Variants in LMBR1 observed in about 807,000 individuals in gnomAD.
The protein encoded by LMBR1 is limb development membrane protein 1.
Under a neutral mutation model 73.9 loss-of-function variants are expected in LMBR1, and 52 were observed. The observed-to-expected ratio is 0.70, with a 90% CI of 0.56 to 0.89. The LOEUF is 0.89. LMBR1 is among the 40% of genes least tolerant of loss of function. LMBR1 has a pLI of 0.00. For synonymous variants in LMBR1, 215 were observed against 209.4 expected (o/e 1.03, Z -0.23); for missense variants, 539 against 579.8 (o/e 0.93, Z 0.72).
Position 156,893,014 on chromosome 7 carries a change from G to C in LMBR1, c.-21C>G. The C allele has an allele frequency of 6.7e-7, 1 of 1,496,484 alleles. No individual in the cohort carries two copies. Among genetic ancestry groups the C allele is most frequent in the Non-Finnish European group, 8.9e-7 (1 of 1,129,260 alleles). 92.7% of individuals were successfully genotyped at this position (1,496,484 alleles called of 1,614,324 possible). ...TCCATCCTCCTTCATGCCCGCCGCC[G>C]CGCCGCCCGCGTCCGCGTGCTCCGC... On this transcript the variant is annotated 5_prime_UTR_variant, in exon 1 of 17. Coordinates refer to ENST00000353442, the MANE Select transcript of LMBR1 (RefSeq NM_022458.4).
chr7:156,813,573 C>T (rs577336835), intron 4 of LMBR1, among the ~76,000 whole-genome samples: 1 of 152,280 alleles, frequency 6.6e-6, no homozygotes, highest in East Asian at 1.9e-4. Flanking sequence ...TCTTCATTCT[C>T]TTGCCCCAAA....
intron 9 of LMBR1, among the ~76,000 whole-genome samples, chr7:156,741,741 A>G (rs939170844): frequency 3.9e-5 from 6 of 152,198 alleles, no homozygotes; most frequent in Non-Finnish European, 4.4e-5. Flanking sequence ...TAGATCTTCC[A>G]ATAACAGAAA....
intron 15 of LMBR1, among the ~76,000 whole-genome samples, chr7:156,694,440 T>C (rs557307039): frequency 3.4e-4 from 52 of 152,164 alleles, no homozygotes; most frequent in African/African-American, 1.1e-3. Flanking sequence ...GCCAAGACAA[T>C]AGATATTTTT....
chr7:156,710,989 A>G (rs947912235), intron 15 of LMBR1, among the ~76,000 whole-genome samples: 35 of 152,304 alleles, frequency 2.3e-4, no homozygotes, highest in African/African-American at 8.4e-4. Flanking sequence ...GAGGTGAAAG[A>G]TATCTTTAAG....
At chr7:156,729,231 C>A (rs1289655968) in intron 10 of LMBR1, among the ~76,000 whole-genome samples, 4 of 152,064 alleles carry the variant, frequency 2.6e-5, no homozygotes, top group African/African-American at 9.7e-5. Context: ...ACATCTCAAT[C>A]ATTAAGGAAA....
intron 5 of LMBR1, among the ~76,000 whole-genome samples, chr7:156,795,806 GCCT>G (rs772087461): frequency 3.3e-5 from 5 of 152,152 alleles, no homozygotes; most frequent in African/African-American, 7.2e-5. Flanking sequence ...TCCTGCCGCA[GCCT>G]CCCAAAGTGG....
At chr7:156,729,663 C>A (rs1816469676) in intron 10 of LMBR1, among the ~76,000 whole-genome samples, 2 of 151,966 alleles carry the variant, frequency 1.3e-5, no homozygotes, top group African/African-American at 4.8e-5. Context: ...TTAGTAGAGA[C>A]AGGGTTTCAC....
chr7:156,715,918 G>T (rs1813106905), intron 15 of LMBR1, among the ~76,000 whole-genome samples: 1 of 152,100 alleles, frequency 6.6e-6, no homozygotes, highest in Non-Finnish European at 1.5e-5. Context: ...GGTCAGAAAA[G>T]CTTAGAATAT....
chr7:156,816,440 T>C (rs6969186), intron 4 of LMBR1, among the ~76,000 whole-genome samples: 71,048 of 151,912 alleles, frequency 0.47, 16,851 homozygotes, highest in East Asian at 0.61. Context: ...AAACAAGGAG[T>C]AATGTCTGTT....
intron 15 of LMBR1, among the ~76,000 whole-genome samples, chr7:156,705,279 T>C (rs1375321258): frequency 6.6e-6 from 1 of 152,208 alleles, no homozygotes; most frequent in African/African-American, 2.4e-5. Context: ...AGCCTGCCCC[T>C]GGGCATAGTG....
At chr7:156,759,513 T>C (rs1033726896) in intron 8 of LMBR1, among the ~76,000 whole-genome samples, 3 of 152,188 alleles carry the variant, frequency 2.0e-5, no homozygotes, top group South Asian at 2.1e-4. Context: ...ATCTAACTTA[T>C]AGGTTTGTCA....
At chr7:156,882,405 G>A (rs937917696) in intron 1 of LMBR1, among the ~76,000 whole-genome samples, 12 of 152,112 alleles carry the variant, frequency 7.9e-5, no homozygotes, top group Non-Finnish European at 1.3e-4. Flanking sequence ...ATTCCAGCCT[G>A]GGAAAAAGAG....
intron 1 of LMBR1, among the ~76,000 whole-genome samples, chr7:156,889,112 G>A (rs907402690): frequency 1.4e-4 from 21 of 152,024 alleles, no homozygotes; most frequent in Non-Finnish European, 2.9e-5. Context: ...GGTGAACTTT[G>A]AAGGCATTAT....
At chr7:156,860,305 A>T (rs1797552468) in intron 1 of LMBR1, among the ~76,000 whole-genome samples, 1 of 152,222 alleles carries the variant, frequency 6.6e-6, no homozygotes, top group Non-Finnish European at 1.5e-5. Flanking sequence ...GGCAAAGAGA[A>T]GAGTTTGTGC....
At chr7:156,725,186 G>T (rs151307154) in intron 14 of LMBR1, among the ~76,000 whole-genome samples, 24 of 152,256 alleles carry the variant, frequency 1.6e-4, no homozygotes, top group African/African-American at 5.8e-4. Context: ...GTCCTTTCAG[G>T]AGCCTTCTAT....
rs896459816 is a variant in LMBR1 at position 156,682,222 on chromosome 7, G to A, written c.*1856C>T. The A allele has an allele frequency of 4.2e-4, 64 of 152,314 alleles. 1 individual carries two copies. The highest frequency in any genetic ancestry group is 1.5e-3 in the African/African-American group (62 of 41,558). 9.4% of individuals were successfully genotyped at this position (152,314 alleles called of 1,614,324 possible). A position where few individuals can be genotyped will look rare whatever the true frequency, so the allele number is the denominator to read the frequency against. Reference sequence around the variant, plus strand: ...GTTGAGCTAAACACTGAAAAGTTTAGTATTTTACTTAAAAATTTTCAGACA... The same window carrying A: ...GTTGAGCTAAACACTGAAAAGTTTAATATTTTACTTAAAAATTTTCAGACA... On this transcript the variant is annotated 3_prime_UTR_variant, in exon 17 of 17. Coordinates refer to ENST00000353442, the MANE Select transcript of LMBR1 (RefSeq NM_022458.4).
intron 9 of LMBR1, among the ~76,000 whole-genome samples, chr7:156,735,781 T>C (rs560482008): frequency 2.0e-5 from 3 of 152,308 alleles, no homozygotes; most frequent in South Asian, 4.1e-4. Context: ...CTATCTTGCT[T>C]GCTTACTTAC....
chr7:156,749,724 C>G (rs543043795), intron 9 of LMBR1, among the ~76,000 whole-genome samples: 37 of 152,124 alleles, frequency 2.4e-4, no homozygotes, highest in Admixed American at 3.9e-4. Context: ...GAGTCTCGCT[C>G]TGTTGCCCAG....
chr7:156,731,687 C>T (rs1816854127), intron 10 of LMBR1, among the ~76,000 whole-genome samples: 2 of 151,982 alleles, frequency 1.3e-5, no homozygotes, highest in Admixed American at 1.3e-4. Flanking sequence ...GCTAAATGAA[C>T]ATTAGAAATG....
Sources: allele counts gnomAD v4.1 joint callset (sites outside exome capture counted in the v4.1 genomes callset), GRCh38; gene constraint gnomAD v4.1.1; transcripts MANE v1.5; gene names NCBI Gene and HGNC (gene_info 2026-07-23, HGNC 2026-07-21).